Variants in ZNF814 observed in about 807,000 individuals in gnomAD.
The protein encoded by ZNF814 is zinc finger protein 814.
ZNF814 carries 5 observed loss-of-function variants against 7.5 expected under a neutral mutation model. That is an observed-to-expected ratio of 0.67 (90% CI 0.35 to 1.40). The LOEUF is 1.40. Ranked by LOEUF, ZNF814 falls within the 40% of genes most tolerant of loss-of-function variation. The pLI, the probability that ZNF814 is intolerant of heterozygous loss-of-function variation, is 0.04. For synonymous variants in ZNF814, 315 were observed against 340.7 expected (o/e 0.92, Z 0.83); for missense variants, 962 against 1,018.0 (o/e 0.94, Z 0.75).
Position 57,888,973 on chromosome 19 carries a change from T to A in ZNF814, c.-171A>T. ...ACTGCTCCCCGACTTCTGGGTTCAG[T>A]CACCACAGTGCGGACCTAGCGCTCA... On this transcript the variant is annotated 5_prime_UTR_variant, in exon 1 of 3. Transcript: ENST00000435989. The A allele has an allele frequency of 1.5e-6, 1 of 683,844 alleles. No individual in the cohort carries two copies. Among genetic ancestry groups the A allele is most frequent in the Non-Finnish European group, 2.5e-6 (1 of 400,544 alleles). 42.4% of individuals were successfully genotyped at this position (683,844 alleles called of 1,614,324 possible).
intron 1 of ZNF814, among the ~76,000 whole-genome samples, chr19:57,887,414 T>G (rs1198016965): frequency 3.3e-5 from 5 of 152,208 alleles, no homozygotes; most frequent in Non-Finnish European, 5.9e-5. Context: ...CAGACCAAGA[T>G]GCCTTTTGTC....
chr19:57,874,710 T>G lies in ZNF814; in HGVS notation c.680A>C (p.His227Pro), dbSNP rs757543097. 3 of 1,589,100 alleles carry G rather than the reference T, an allele frequency of 1.9e-6. No individual in the cohort carries two copies. Among genetic ancestry groups the G allele is most frequent in the East Asian group, 4.5e-5 (2 of 44,092 alleles). The change falls in exon 3 of 3, where the codon CAT (histidine) becomes CCT (proline). Residue 227 changes from histidine to proline, a missense_variant. By Grantham distance (77) the His-to-Pro change is moderately conservative. Transcript: ENST00000435989. ...CAGTCTCTGGTGCTGACTGAGTATATGTTTGGTGCTAAAATGTTTCATGGA... is the reference window on the plus strand; with the variant it reads ...CAGTCTCTGGTGCTGACTGAGTATAGGTTTGGTGCTAAAATGTTTCATGGA... ...GESMKHFSTK[H>P]ILSQHQRLLT...
upstream of ZNF814, among the ~76,000 whole-genome samples, chr19:57,892,660 C>T (rs924244417): frequency 1.3e-5 from 2 of 152,162 alleles, no homozygotes; most frequent in East Asian, 1.9e-4. Flanking sequence ...AAAGGGAAAA[C>T]TTGCGAGCTG....
chr19:57,900,301 C>T, the ZNF814 span: 1 of 152,152 alleles, frequency 6.6e-6, no homozygotes, highest in Non-Finnish European at 1.5e-5. Flanking sequence ...TGATGAACAA[C>T]TTAATCTTTT....
upstream of ZNF814, chr19:57,889,202 G>A (rs2071718772): frequency 2.5e-6 from 1 of 393,116 alleles, no homozygotes; most frequent in South Asian, 1.3e-4. Context: ...GCAATTCCCA[G>A]AGGCGCTTCT....
chr19:57,884,952 C>T (rs916757836), intron 1 of ZNF814, among the ~76,000 whole-genome samples: 35 of 152,118 alleles, frequency 2.3e-4, no homozygotes, highest in African/African-American at 8.0e-4. Flanking sequence ...ATCTGCACTC[C>T]CATGTTTGCT....
At chr19:57,877,716 C>T (rs547941293) in intron 1 of ZNF814, among the ~76,000 whole-genome samples, 1 of 152,302 alleles carries the variant, frequency 6.6e-6, no homozygotes, top group East Asian at 1.9e-4. Flanking sequence ...GCTAAAACTA[C>T]AGGCATGAGG....
rs2071611388 is a variant in ZNF814, at chr19:57,876,924, G to T, written c.155C>A (p.Ser52Tyr). 1.2e-6 allele frequency: 2 copies of T among 1,614,092 alleles called. No individual in the cohort carries two copies. Among genetic ancestry groups the T allele is most frequent in the African/African-American group, 2.7e-5 (2 of 75,030 alleles). The change falls in exon 2 of 3, where the codon TCC becomes TAC. Residue 52 changes from serine to tyrosine, a missense_variant. Physicochemically the swap from Ser to Tyr is moderately radical, Grantham distance 144. Transcript: ENST00000435989. ...DVTLENLALISSLGCWCGVED... is the reference protein window; with the variant it reads ...DVTLENLALIYSLGCWCGVED... ...GAGTGTGAGCAACTTACCCAGGGAG[G>T]ATATAAGTGCCAGGTTCTCCAGCGT...
Position 57,874,062 on chromosome 19 carries a change from T to A in ZNF814, c.1328A>T (p.Lys443Ile). The change falls in exon 3 of 3, where the codon AAA becomes ATA. Residue 443 changes from lysine to isoleucine, a missense_variant. This residue lies in a region of ZNF814 where 665 missense variants were observed against 551.4 expected (regional missense o/e 1.21). Transcript: ENST00000435989. ...AAGATGTCCTTCTGAACTAAAAGAT[T>A]TCCCACATTCTTCACACCCATAAGG... The part of the protein sequence containing the change: ...EKPYGCEECG[K>I]SFSSEGHLRS... 6.2e-7 allele frequency: 1 copy of A among 1,609,554 alleles called. No individual in the cohort carries two copies. Among genetic ancestry groups the A allele is most frequent in the Non-Finnish European group, 8.5e-7 (1 of 1,177,902 alleles).
At chr19:57,890,474 A>G (rs116969980), upstream of ZNF814, among the ~76,000 whole-genome samples, 317 of 151,966 alleles carry the variant, frequency 2.1e-3, 5 homozygotes, top group East Asian at 0.035. Flanking sequence ...TTTTAAGGAT[A>G]ATTTGGTAGA....
the ZNF814 span, among the ~76,000 whole-genome samples, chr19:57,902,559 G>T: frequency 6.7e-6 from 1 of 148,478 alleles, no homozygotes; most frequent in Non-Finnish European, 1.5e-5. Context: ...TAAAGGGGAG[G>T]GAGGTAAATA....
chr19:57,884,865 A>G (rs1305099250), intron 1 of ZNF814, among the ~76,000 whole-genome samples: 1 of 152,186 alleles, frequency 6.6e-6, no homozygotes, highest in African/African-American at 2.4e-5. Flanking sequence ...TTAAAAAACT[A>G]AACATTAAGC....
intron 1 of ZNF814, among the ~76,000 whole-genome samples, chr19:57,877,251 C>T (rs1174288696): frequency 2.6e-5 from 4 of 152,098 alleles, no homozygotes; most frequent in African/African-American, 9.7e-5. Context: ...AGTCCACCCC[C>T]TCCTGACAGG....
intron 2 of ZNF814, among the ~76,000 whole-genome samples, chr19:57,875,920 C>G (rs1282468508): frequency 1.3e-5 from 2 of 149,056 alleles, no homozygotes; most frequent in Non-Finnish European, 3.0e-5. Context: ...AGCCCTGACT[C>G]CATGACCTCC....
upstream of ZNF814, among the ~76,000 whole-genome samples, chr19:57,889,440 A>AGGTTGG (rs576881131): frequency 2.1e-3 from 316 of 152,204 alleles, no homozygotes; most frequent in African/African-American, 7.4e-3. Context: ...AGCTGCCCTA[A>AGGTTGG]GGTTGGGGTT....
intron 1 of ZNF814, among the ~76,000 whole-genome samples, chr19:57,885,371 C>T (rs995044433): frequency 2.7e-4 from 41 of 149,320 alleles, no homozygotes; most frequent in African/African-American, 9.6e-4. Flanking sequence ...TGGCTCACAC[C>T]TGTAATCTCA....
the ZNF814 span, chr19:57,901,725 C>T: frequency 7.8e-4 from 312 of 398,630 alleles, 1 homozygote; most frequent in African/African-American, 5.8e-3. Context: ...TCTGAGAGCA[C>T]AGAACAAATC....
At chr19:57,899,514 A>G in the ZNF814 span, among the ~76,000 whole-genome samples, 1 of 152,254 alleles carries the variant, frequency 6.6e-6, no homozygotes, top group Non-Finnish European at 1.5e-5. Context: ...ATGACTTTCA[A>G]AAATTATTAG....
At chr19:57,893,919 C>CAA (rs752032106), upstream of ZNF814, among the ~76,000 whole-genome samples, 2 of 127,678 alleles carry the variant, frequency 1.6e-5, no homozygotes, top group African/African-American at 2.9e-5. Context: ...GACCCCATCT[C>CAA]AAAAAAAAAA....
Sources: allele counts gnomAD v4.1 joint callset (sites outside exome capture counted in the v4.1 genomes callset), GRCh38; gene constraint gnomAD v4.1.1; regional missense constraint gnomAD v4.1.1; transcripts MANE v1.5; gene names NCBI Gene and HGNC (gene_info 2026-07-23, HGNC 2026-07-21).